Variants in DLG2 observed in about 807,000 individuals in gnomAD.
DLG2 encodes discs large MAGUK scaffold protein 2.
A neutral mutation model predicts 132.5 loss-of-function variants in DLG2; 45 were observed. The ratio of observed to expected loss-of-function variants is 0.34; its 90% CI spans 0.27 to 0.44. The LOEUF is 0.44. Among genes scored for constraint, DLG2 ranks in the 20% least tolerant of loss-of-function variants. DLG2 has a pLI of 1.00. For missense variants in DLG2, 1,045 were observed against 1,196.9 expected (o/e 0.87, Z 1.87); for synonymous variants, 424 against 419.6 (o/e 1.01, Z -0.13).
chr11:85,153,448 T>C (rs1411923727), intron 5 of DLG2, among the ~76,000 whole-genome samples: 1 of 152,204 alleles, frequency 6.6e-6, no homozygotes, highest in African/African-American at 2.4e-5. Context: ...GTCCTGTCAA[T>C]TATTTCTTTA....
intron 8 of DLG2, among the ~76,000 whole-genome samples, chr11:84,190,174 CA>C (rs35162888): frequency 0.016 from 2,060 of 131,814 alleles, 43 homozygotes; most frequent in African/African-American, 0.045. Flanking sequence ...GTTAAGTAGT[CA>C]AAAAAAAAAA....
chr11:83,478,444 C>T (rs938228468), intron 22 of DLG2, among the ~76,000 whole-genome samples: 3 of 151,984 alleles, frequency 2.0e-5, no homozygotes, highest in African/African-American at 7.2e-5. Flanking sequence ...CAAGTGTTTC[C>T]TTTATTCATT....
At chr11:84,099,528 G>A (rs2092221196) in intron 9 of DLG2, among the ~76,000 whole-genome samples, 1 of 151,738 alleles carries the variant, frequency 6.6e-6, no homozygotes, top group South Asian at 2.1e-4. Flanking sequence ...GTGTTTCTAA[G>A]TAAAGAAAAC....
At chr11:83,517,539 T>A (rs988097252) in intron 21 of DLG2, among the ~76,000 whole-genome samples, 1 of 152,248 alleles carries the variant, frequency 6.6e-6, no homozygotes, top group Admixed American at 6.5e-5. Flanking sequence ...TCAGTCTCTG[T>A]CCAGCTTTGT....
At chr11:83,762,554 CAAACCT>C (rs2093953241) in intron 18 of DLG2, among the ~76,000 whole-genome samples, 3 of 151,686 alleles carry the variant, frequency 2.0e-5, no homozygotes, top group Non-Finnish European at 4.4e-5. Context: ...AGGACAATGG[CAAACCT>C]AAGTGTTGAG....
intron 14 of DLG2, among the ~76,000 whole-genome samples, chr11:83,944,039 T>C (rs12285562): frequency 0.076 from 11,637 of 152,282 alleles, 610 homozygotes; most frequent in Non-Finnish European, 0.12. Flanking sequence ...ATATACCAGA[T>C]ACTAACCTAT....
At chr11:85,413,162 G>C (rs1308223243) in intron 3 of DLG2, among the ~76,000 whole-genome samples, 2 of 151,932 alleles carry the variant, frequency 1.3e-5, no homozygotes, top group Admixed American at 6.6e-5. Context: ...CTGATCATTA[G>C]TGATGTTGAT....
In DLG2 at chr11:83,469,179, G is replaced by A. The variant is rs189799170; in HGVS notation, c.2619+22C>T. The A allele has an allele frequency of 3.4e-5, 53 of 1,564,156 alleles. 2 individuals carry two copies. The Admixed American group carries it at 9.2e-4, about 27-fold the overall frequency. ...CCTAGAAACCTTCTTCAGGGGAGGTGTAAGAAGATTGGTGAACATACTCTT... is the reference window on the plus strand; with the variant it reads ...CCTAGAAACCTTCTTCAGGGGAGGTATAAGAAGATTGGTGAACATACTCTT... On this transcript the variant is annotated intron_variant, in intron 25 of 27. Transcript: ENST00000376104.
At chr11:84,527,207 T>C (rs1006606780) in intron 7 of DLG2, among the ~76,000 whole-genome samples, 4 of 152,236 alleles carry the variant, frequency 2.6e-5, no homozygotes, top group African/African-American at 9.6e-5. Context: ...ACTAACTCCT[T>C]GTGCCATAGG....
chr11:84,414,275 T>A, intron 7 of DLG2, among the ~76,000 whole-genome samples: 1 of 152,220 alleles, frequency 6.6e-6, no homozygotes, highest in East Asian at 1.9e-4. Context: ...TTATAATCAT[T>A]ATTATCAATA....
chr11:84,447,426 T>C (rs573136833), intron 7 of DLG2, among the ~76,000 whole-genome samples: 1 of 152,264 alleles, frequency 6.6e-6, no homozygotes, highest in East Asian at 1.9e-4. Context: ...AAAAGAATGA[T>C]TTCTAAAAGC....
chr11:83,994,066 A>T (rs2093880229), intron 11 of DLG2, among the ~76,000 whole-genome samples: 1 of 152,104 alleles, frequency 6.6e-6, no homozygotes, highest in Non-Finnish European at 1.5e-5. Context: ...CTTTAACTTA[A>T]AAGTACTCTC....
At chr11:83,891,283 G>C (rs900024107) in intron 15 of DLG2, among the ~76,000 whole-genome samples, 3 of 152,042 alleles carry the variant, frequency 2.0e-5, no homozygotes, top group African/African-American at 7.2e-5. Flanking sequence ...GGAGAGAATT[G>C]AGAGGATGCA....
At chr11:84,222,085 T>C (rs2096923791) in intron 8 of DLG2, among the ~76,000 whole-genome samples, 1 of 152,144 alleles carries the variant, frequency 6.6e-6, no homozygotes, top group Admixed American at 6.6e-5. Context: ...CAGGCTGGAG[T>C]GCAATGGTGC....
At chr11:85,052,476 A>G (rs1173594624) in intron 6 of DLG2, among the ~76,000 whole-genome samples, 2 of 152,172 alleles carry the variant, frequency 1.3e-5, no homozygotes, top group African/African-American at 4.8e-5. Context: ...TACCTTGAAA[A>G]CTGTGAGCCA....
intron 4 of DLG2, among the ~76,000 whole-genome samples, chr11:85,196,569 T>G (rs1292667172): frequency 3.3e-5 from 5 of 152,194 alleles, no homozygotes; most frequent in African/African-American, 1.2e-4. Context: ...AGTGGGAAGT[T>G]TAAAATTATT....
At chr11:83,952,150 A>G (rs1049857195) in intron 14 of DLG2, among the ~76,000 whole-genome samples, 1 of 152,124 alleles carries the variant, frequency 6.6e-6, no homozygotes, top group Non-Finnish European at 1.5e-5. Flanking sequence ...GTTCGAGACT[A>G]GCCTGCCCAA....
At chr11:84,517,181 C>G (rs1018551931) in intron 7 of DLG2, among the ~76,000 whole-genome samples, 3 of 150,592 alleles carry the variant, frequency 2.0e-5, no homozygotes, top group Admixed American at 6.6e-5. Context: ...AAAGCTTCAG[C>G]ACAGCAAAGG....
chr11:83,657,534 CTTTTTT>C (rs540422330), intron 18 of DLG2, among the ~76,000 whole-genome samples: 2 of 93,398 alleles, frequency 2.1e-5, no homozygotes, highest in African/African-American at 9.3e-5. Context: ...ATTGTCTATT[CTTTTTT>C]TTTTTTTTTT....
Sources: gnomAD v4.1 joint callset for allele counts (sites outside exome capture counted in the v4.1 genomes callset) on GRCh38, gnomAD v4.1.1 for gene constraint, MANE v1.5 for transcripts, NCBI Gene and HGNC (gene_info 2026-07-23, HGNC 2026-07-21) for gene names.